PRTG: variants seen among roughly 807,000 people sequenced by gnomAD.
PRTG encodes protogenin.
PRTG carries 67 observed loss-of-function variants against 122.5 expected under a neutral mutation model. That is an observed-to-expected ratio of 0.55 (90% CI 0.45 to 0.67). The LOEUF (loss-of-function observed/expected upper bound fraction) is 0.67. Among genes scored for constraint, PRTG ranks in the 30% least tolerant of loss-of-function variants. The pLI is 0.00. For missense variants in PRTG, 1,435 were observed against 1,415.4 expected (o/e 1.01, Z -0.22); for synonymous variants, 554 against 501.1 (o/e 1.11, Z -1.41).
intron 2 of PRTG, chr15:55,738,629 G>C (rs1193424668): frequency 3.2e-6 from 2 of 632,528 alleles, no homozygotes; most frequent in African/African-American, 3.7e-5. Flanking sequence ...CAGAATATAA[G>C]CATAAAAAGC....
At chr15:55,688,081 A>G (rs930214407) in intron 2 of PRTG, among the ~76,000 whole-genome samples, 1 of 152,338 alleles carries the variant, frequency 6.6e-6, no homozygotes, top group East Asian at 1.9e-4. Flanking sequence ...AGAAAACTCT[A>G]AACATGTCTT....
At chr15:55,674,928 G>A (rs553928480) in intron 9 of PRTG, among the ~76,000 whole-genome samples, 2 of 151,934 alleles carry the variant, frequency 1.3e-5, no homozygotes, top group African/African-American at 4.8e-5. Flanking sequence ...AGTTCTCTCG[G>A]GCTATCTTAA....
At chr15:55,724,644 A>C (rs1488258462) in intron 2 of PRTG, among the ~76,000 whole-genome samples, 1 of 152,084 alleles carries the variant, frequency 6.6e-6, no homozygotes, top group Non-Finnish European at 1.5e-5. Flanking sequence ...CTGTAATCCT[A>C]GCTACTCAGT....
chr15:55,654,890 G>A (rs2059371997), intron 11 of PRTG, among the ~76,000 whole-genome samples: 1 of 152,168 alleles, frequency 6.6e-6, no homozygotes, highest in Non-Finnish European at 1.5e-5. Flanking sequence ...CTGAACCACA[G>A]TGACTTGGTC....
At position 55,673,684 on chromosome 15, in the gene PRTG, T is replaced by C. The variant is rs767396104; in HGVS notation, c.1547-8A>G. ...CAGGAGGTCTCAGGGGAACTAGTCA[T>C]AGAAGAAATCAGGTTGTTTATAAAT... On this transcript the variant is annotated splice_region_variant and splice_polypyrimidine_tract_variant and intron_variant, in intron 9 of 19. Coordinates refer to ENST00000389286, the MANE Select transcript of PRTG (RefSeq NM_173814.6). 8 of 1,608,444 alleles carry C rather than the reference T, an allele frequency of 5.0e-6. No individual in the cohort carries two copies. The highest frequency in any genetic ancestry group is 6.8e-6 in the Non-Finnish European group (8 of 1,175,400).
chr15:55,685,789 T>C (rs2059567089), intron 2 of PRTG, among the ~76,000 whole-genome samples: 1 of 152,204 alleles, frequency 6.6e-6, no homozygotes, highest in Non-Finnish European at 1.5e-5. Context: ...TTTAAGAGTA[T>C]AAAGAGTGAG....
intron 2 of PRTG, among the ~76,000 whole-genome samples, chr15:55,713,000 AC>A (rs1437401112): frequency 6.6e-6 from 1 of 152,220 alleles, no homozygotes; most frequent in Non-Finnish European, 1.5e-5. Flanking sequence ...AATAAATAGC[AC>A]TTCGCAATAT....
intron 11 of PRTG, among the ~76,000 whole-genome samples, chr15:55,672,003 T>A (rs979727715): frequency 5.6e-4 from 86 of 152,328 alleles, no homozygotes; most frequent in African/African-American, 2.0e-3. Context: ...ATGGGTCATA[T>A]GTAAGGGCAT....
At chr15:55,719,596 C>A (rs376090735) in intron 2 of PRTG, among the ~76,000 whole-genome samples, 28 of 152,178 alleles carry the variant, frequency 1.8e-4, no homozygotes, top group Middle Eastern at 3.4e-3. Context: ...AGTTTTCTGA[C>A]AATAACCAGG....
intron 2 of PRTG, among the ~76,000 whole-genome samples, chr15:55,730,759 C>CA (rs1476111876): frequency 1.3e-5 from 2 of 152,142 alleles, no homozygotes; most frequent in Non-Finnish European, 2.9e-5. Flanking sequence ...GAGATGGCGC[C>CA]ACTGCACTCC....
intron 2 of PRTG, among the ~76,000 whole-genome samples, chr15:55,700,441 C>G (rs1339197705): frequency 6.6e-6 from 1 of 152,086 alleles, no homozygotes; most frequent in Non-Finnish European, 1.5e-5. Flanking sequence ...ATAAAAAGCA[C>G]AATCCATAAA....
chr15:55,638,955 A>ATCAT (rs56726387), intron 13 of PRTG, among the ~76,000 whole-genome samples: 54,513 of 148,142 alleles, frequency 0.37, 10,272 homozygotes, highest in Middle Eastern at 0.42. Flanking sequence ...TGGAAGTCAA[A>ATCAT]TCATTCATTC....
intron 2 of PRTG, among the ~76,000 whole-genome samples, chr15:55,708,148 TAA>T (rs35216342): frequency 0.026 from 1,815 of 69,196 alleles, 7 homozygotes; most frequent in Non-Finnish European, 0.042. Flanking sequence ...AGTAAGCTGG[TAA>T]AAAAAAAAAA....
In PRTG at chr15:55,742,912, G is replaced by T; in HGVS notation, c.20C>A (p.Pro7His). 2 of 1,526,374 alleles carry T rather than the reference G, an allele frequency of 1.3e-6. No homozygotes were observed. Among genetic ancestry groups the T allele is most frequent in the Non-Finnish European group, 1.8e-6 (2 of 1,136,238 alleles). 94.6% of individuals were successfully genotyped at this position (1,526,374 alleles called of 1,614,324 possible). A position where few individuals can be genotyped will look rare whatever the true frequency, so the allele number is the denominator to read the frequency against. Residue 7 changes from proline to histidine, a missense_variant, in exon 1 of 20, where the codon CCC (proline) becomes CAC (histidine). By Grantham distance (77) the Pro-to-His change is moderately conservative. Transcript: ENST00000389286. ...CCCCGGCGGTCGCAGCCGGGCGAGG[G>T]GTCGCAGAGGAGGCGCCATTCAGCG... is the stretch of plus-strand genomic sequence containing the variant. MAPPLR[P>H]LARLRPPGML...
chr15:55,656,448 T>C (rs1475916679), intron 11 of PRTG: 4 of 415,934 alleles, frequency 9.6e-6, no homozygotes, highest in African/African-American at 6.2e-5. Context: ...TAATCTATAA[T>C]CTGTTAGGTT....
In PRTG at chr15:55,735,971, T is replaced by C. The variant is rs144935363; in HGVS notation, c.397+4411A>G. Among the ~76,000 whole-genome samples, 484 of 152,316 alleles carry C rather than the reference T, an allele frequency of 3.2e-3. 10 individuals carry two copies. The highest frequency in any genetic ancestry group is 0.011 in the African/African-American group (460 of 41,558). On this transcript the variant is annotated intron_variant, in intron 2 of 19. Coordinates refer to ENST00000389286, the MANE Select transcript of PRTG (RefSeq NM_173814.6). Reference sequence around the variant, plus strand: ...CTTCCTTCACTTGACTTATGTAATATTGAGAGCCAATTTTAAGTTAAACAT... The same window carrying C: ...CTTCCTTCACTTGACTTATGTAATACTGAGAGCCAATTTTAAGTTAAACAT...
At chr15:55,733,133 C>T (rs577192148) in intron 2 of PRTG, among the ~76,000 whole-genome samples, 1 of 152,148 alleles carries the variant, frequency 6.6e-6, no homozygotes, top group East Asian at 1.9e-4. Flanking sequence ...CGCTTGAACC[C>T]GGGAGGCAGA....
At chr15:55,661,252 A>T (rs1410036085) in intron 11 of PRTG, among the ~76,000 whole-genome samples, 1 of 152,212 alleles carries the variant, frequency 6.6e-6, no homozygotes, top group African/African-American at 2.4e-5. Context: ...CACTATGCCC[A>T]GGGTAACCTC....
chr15:55,632,728 A>G (rs1184612555), intron 15 of PRTG, among the ~76,000 whole-genome samples: 5 of 152,008 alleles, frequency 3.3e-5, no homozygotes, highest in Non-Finnish European at 7.4e-5. Context: ...TATCTCTATC[A>G]CTTTGTCTCT....
Sources: allele counts gnomAD v4.1 joint callset (sites outside exome capture counted in the v4.1 genomes callset), GRCh38; gene constraint gnomAD v4.1.1; transcripts MANE v1.5; gene names NCBI Gene and HGNC (gene_info 2026-07-23, HGNC 2026-07-21).